The following SEC14L1 variants were observed in gnomAD, a reference collection of about 807,000 sequenced individuals.
The protein encoded by SEC14L1 is SEC14-like protein 1.
In SEC14L1, 48 loss-of-function variants were observed where a neutral mutation model predicts 85.3. That is an observed-to-expected ratio of 0.56 (90% CI 0.45 to 0.72). The LOEUF (loss-of-function observed/expected upper bound fraction) is 0.72. SEC14L1 is among the 30% of genes least tolerant of loss of function. The pLI is 0.00. For synonymous variants in SEC14L1, 391 were observed against 355.5 expected, an observed-to-expected ratio of 1.10 and a Z score of -1.12; for missense variants, 682 against 921.4, an observed-to-expected ratio of 0.74 and a Z score of 3.36.
intron 3 of SEC14L1, among the ~76,000 whole-genome samples, chr17:77,176,747 C>T (rs375167848): frequency 3.3e-3 from 498 of 152,108 alleles, no homozygotes; most frequent in African/African-American, 9.7e-3. Context: ...CCACCATGCC[C>T]GGCTAGTTGT....
intron 3 of SEC14L1, among the ~76,000 whole-genome samples, chr17:77,128,756 G>A (rs1386190543): frequency 2.0e-5 from 3 of 152,020 alleles, no homozygotes; most frequent in Admixed American, 6.6e-5. Flanking sequence ...GCCTGGCCAC[G>A]CTTGGGCATT....
At chr17:77,188,327 A>G (rs1353238060) in intron 3 of SEC14L1, among the ~76,000 whole-genome samples, 1 of 151,726 alleles carries the variant, frequency 6.6e-6, no homozygotes, top group Non-Finnish European at 1.5e-5. Context: ...AGCCCCGGCA[A>G]CCACTCTTCT....
chr17:77,167,316 G>A (rs1049432143), intron 3 of SEC14L1, among the ~76,000 whole-genome samples: 2 of 151,962 alleles, frequency 1.3e-5, no homozygotes, highest in South Asian at 2.1e-4. Context: ...TGTATTTTTA[G>A]CAGAGAAAGG....
intron 3 of SEC14L1, among the ~76,000 whole-genome samples, chr17:77,181,360 G>A (rs905597978): frequency 1.2e-4 from 18 of 152,136 alleles, no homozygotes; most frequent in Non-Finnish European, 1.8e-4. Flanking sequence ...AGTCCAGTTG[G>A]TATTAATCAC....
At chr17:77,100,286 C>A (rs914935073) in intron 3 of SEC14L1, among the ~76,000 whole-genome samples, 4 of 152,222 alleles carry the variant, frequency 2.6e-5, no homozygotes, top group African/African-American at 9.6e-5. Flanking sequence ...GTACATGCGG[C>A]ATTCACGTTA....
At chr17:77,139,160 A>ATT (rs749541191), upstream of SEC14L1, among the ~76,000 whole-genome samples, 28 of 120,130 alleles carry the variant, frequency 2.3e-4, no homozygotes, top group African/African-American at 3.2e-4. Context: ...GGTCAGGTGA[A>ATT]TTTTTTTTTT....
chr17:77,095,686 A>G (rs1971624850), intron 3 of SEC14L1, among the ~76,000 whole-genome samples: 1 of 152,058 alleles, frequency 6.6e-6, no homozygotes, highest in Admixed American at 6.6e-5. Flanking sequence ...GTGTCGTGGC[A>G]GGCACCTGTA....
At chr17:77,167,080 A>G (rs1323702456) in intron 3 of SEC14L1, among the ~76,000 whole-genome samples, 1 of 151,808 alleles carries the variant, frequency 6.6e-6, no homozygotes, top group East Asian at 1.9e-4. Flanking sequence ...TTGAATAAGT[A>G]ATGTTAGAAA....
chr17:77,183,594 C>T (rs1166591013), intron 3 of SEC14L1, among the ~76,000 whole-genome samples: 1 of 152,202 alleles, frequency 6.6e-6, no homozygotes, highest in East Asian at 1.9e-4. Context: ...TGCCACTGCA[C>T]TCCAGCCTGG....
At position 77,175,870 on chromosome 17, in the gene SEC14L1, C is replaced by T. The variant is rs562210501; in HGVS notation, c.64-14933C>T. ...ATTTTATTTTTCTTTAATTTCCGGCCTCCGTGTAGCTGAGCCCAGGGCTTT... is the reference window on the plus strand; with the variant it reads ...ATTTTATTTTTCTTTAATTTCCGGCTTCCGTGTAGCTGAGCCCAGGGCTTT... On this transcript the variant is annotated intron_variant, in intron 3 of 16. Coordinates refer to ENST00000436233, the MANE Select transcript of SEC14L1 (RefSeq NM_001143998.2). Among the ~76,000 whole-genome samples, 29 of 152,146 alleles carry T rather than the reference C, an allele frequency of 1.9e-4. No homozygotes were observed. In the East Asian group the frequency reaches 5.6e-3, roughly 29 times the overall value.
At chr17:77,174,985 G>T (rs1201480224) in intron 3 of SEC14L1, among the ~76,000 whole-genome samples, 1 of 152,106 alleles carries the variant, frequency 6.6e-6, no homozygotes, top group Non-Finnish European at 1.5e-5. Flanking sequence ...AAACTTTTTT[G>T]AATAGGATAA....
intron 3 of SEC14L1, among the ~76,000 whole-genome samples, chr17:77,147,362 G>A (rs1406432614): frequency 6.7e-6 from 1 of 149,330 alleles, no homozygotes; most frequent in Non-Finnish European, 1.5e-5. Flanking sequence ...TTGTTTTGAG[G>A]TCAGTACCAT....
chr17:77,119,368 C>T (rs950909098), intron 3 of SEC14L1, among the ~76,000 whole-genome samples: 3 of 151,172 alleles, frequency 2.0e-5, no homozygotes, highest in Non-Finnish European at 2.9e-5. Context: ...TTAGGGATTA[C>T]GGGCGAATTC....
chr17:77,119,550 C>A (rs1039212113), intron 3 of SEC14L1, among the ~76,000 whole-genome samples: 1 of 152,140 alleles, frequency 6.6e-6, no homozygotes, highest in South Asian at 2.1e-4. Context: ...AGGTAATAAG[C>A]TCTCTGGCAG....
chr17:77,111,791 AG>A (rs1972054816), intron 3 of SEC14L1, among the ~76,000 whole-genome samples: 1 of 152,196 alleles, frequency 6.6e-6, no homozygotes, highest in Non-Finnish European at 1.5e-5. Context: ...GGCTCATAGG[AG>A]GAAGGGACTT....
chr17:77,115,772 G>A (rs1972157503), intron 3 of SEC14L1, among the ~76,000 whole-genome samples: 1 of 152,190 alleles, frequency 6.6e-6, no homozygotes, highest in South Asian at 2.1e-4. Context: ...CACTGAGAGA[G>A]GTCGTGGGAG....
intron 13 of SEC14L1, among the ~76,000 whole-genome samples, chr17:77,209,131 C>T (rs932426076): frequency 6.6e-6 from 1 of 152,118 alleles, no homozygotes; most frequent in Non-Finnish European, 1.5e-5. Context: ...AACTTGTTCC[C>T]GTTTATGCAG....
chr17:77,179,488 A>G (rs1178036000), intron 3 of SEC14L1, among the ~76,000 whole-genome samples: 1 of 152,154 alleles, frequency 6.6e-6, no homozygotes, highest in African/African-American at 2.4e-5. Flanking sequence ...CTTCGCATCT[A>G]TCATGATACT....
At chr17:77,106,400 C>T (rs1226128791) in intron 3 of SEC14L1, among the ~76,000 whole-genome samples, 1 of 151,988 alleles carries the variant, frequency 6.6e-6, no homozygotes, top group East Asian at 1.9e-4. Flanking sequence ...GACGTGGTGG[C>T]ACGCACCTGA....
Sources: allele counts gnomAD v4.1 joint callset (sites outside exome capture counted in the v4.1 genomes callset), GRCh38; gene constraint gnomAD v4.1.1; transcripts MANE v1.5; gene names NCBI Gene and HGNC (gene_info 2026-07-23, HGNC 2026-07-21).